ALMS1: variants seen among roughly 807,000 people sequenced by gnomAD.
ALMS1 encodes the protein ALMS1 centrosome and basal body associated protein.
ALMS1 carries 271 observed loss-of-function variants against 352.2 expected under a neutral mutation model. The ratio of observed to expected loss-of-function variants is 0.77; its 90% CI spans 0.70 to 0.85. The LOEUF is 0.85. Ranked by LOEUF, ALMS1 falls within the 40% of genes least tolerant of loss-of-function variation. The pLI, the probability that ALMS1 is intolerant of heterozygous loss-of-function variation, is 0.00. For synonymous variants in ALMS1, 1,865 were observed against 1,761.2 expected (o/e 1.06, Z -1.48); for missense variants, 5,445 against 4,870.7 (o/e 1.12, Z -3.51).
intron 9 of ALMS1, among the ~76,000 whole-genome samples, chr2:73,474,176 A>G (rs1258112355): frequency 1.3e-5 from 2 of 152,096 alleles, no homozygotes; most frequent in Non-Finnish European, 2.9e-5. Flanking sequence ...GTCATAAAAT[A>G]CAAAACTATG....
At chr2:73,487,104 T>G (rs919876204) in intron 9 of ALMS1, among the ~76,000 whole-genome samples, 1 of 152,154 alleles carries the variant, frequency 6.6e-6, no homozygotes, top group Non-Finnish European at 1.5e-5. Flanking sequence ...GGGTGTCAGT[T>G]TGCAAGCTGG....
intron 1 of ALMS1, among the ~76,000 whole-genome samples, chr2:73,397,385 CT>C (rs575226968): frequency 1.5e-3 from 217 of 145,114 alleles, no homozygotes; most frequent in Non-Finnish European, 1.9e-3. Context: ...GTTTGTTCAG[CT>C]TTTTTTTTTT....
intron 21 of ALMS1, among the ~76,000 whole-genome samples, chr2:73,604,166 CAGT>C (rs781704880): frequency 6.6e-6 from 1 of 151,970 alleles, no homozygotes; most frequent in Admixed American, 6.6e-5. Context: ...GAAAGGATAA[CAGT>C]AGATTTTTTG....
At chr2:73,585,086 A>G (rs1412917995) in intron 16 of ALMS1, among the ~76,000 whole-genome samples, 1 of 152,204 alleles carries the variant, frequency 6.6e-6, no homozygotes, top group Non-Finnish European at 1.5e-5. Context: ...TGCTATAAAC[A>G]TGCATGTGCA....
intron 9 of ALMS1, among the ~76,000 whole-genome samples, chr2:73,471,786 C>G (rs183961342): frequency 2.6e-5 from 4 of 152,004 alleles, no homozygotes. Flanking sequence ...AATGGTGTAG[C>G]TGCTGTGGAA....
chr2:73,446,289 CT>C (rs1671809997), intron 7 of ALMS1, among the ~76,000 whole-genome samples: 1 of 152,098 alleles, frequency 6.6e-6, no homozygotes, highest in Non-Finnish European at 1.5e-5. Context: ...CATGGTGTCA[CT>C]AATAATTTGT....
chr2:73,448,707 A>C lies in ALMS1; in HGVS notation c.2180A>C (p.Gln727Pro). ...SHREKPGIFY[Q>P]QEFADSHQTE... is the part of the protein sequence containing the mutation. ...AGAGAGAAGCCTGGTATTTTTTACC[A>C]ACAAGAGTTCGCAGACAGTCATCAA... Residue 727 changes from glutamine to proline, a missense_variant, in exon 8 of 23, where the codon CAA becomes CCA. Gln to Pro is a moderately conservative substitution (Grantham distance 76). Transcript: ENST00000613296. The C allele has an allele frequency of 6.2e-7, 1 of 1,605,198 alleles. No homozygotes were observed. The highest frequency in any genetic ancestry group is 8.5e-7 in the Non-Finnish European group (1 of 1,174,036).
chr2:73,464,081 C>T (rs1405583593), intron 9 of ALMS1, among the ~76,000 whole-genome samples: 2 of 152,186 alleles, frequency 1.3e-5, no homozygotes, highest in Non-Finnish European at 2.9e-5. Context: ...GGGAATCCTC[C>T]CTAACTCATT....
intron 21 of ALMS1, 34 bp from the exon 22 acceptor site, chr2:73,608,441 C>T (rs757718649): frequency 1.7e-5 from 26 of 1,569,824 alleles, no homozygotes; most frequent in South Asian, 8.9e-5. Context: ...GTAACCTCCC[C>T]GATTTCTGTC....
At chr2:73,596,991 G>A (rs771714810) in intron 16 of ALMS1, among the ~76,000 whole-genome samples, 5 of 145,644 alleles carry the variant, frequency 3.4e-5, no homozygotes, top group Non-Finnish European at 7.5e-5. Flanking sequence ...GATAGAGATT[G>A]TGTAGAATCA....
At position 73,519,824 on chromosome 2, in the gene ALMS1, T is replaced by A. The variant is rs369682692; in HGVS notation, c.9589T>A (p.Ser3197Thr). 3.6e-5 allele frequency: 58 copies of A among 1,614,034 alleles called. No individual in the cohort carries two copies. In the African/African-American group the frequency reaches 6.5e-4, roughly 18 times the overall value. The change falls in exon 11 of 23, where the codon TCA becomes ACA. Residue 3197 changes from serine to threonine, a missense_variant. Transcript: ENST00000613296. ...ACTTTCTGCTTTCTCTGAAAAATTG[T>A]CATCTGATGCAGTCACTCAGATAAC... ...TPLSAFSEKL[S>T]SDAVTQITTE...
chr2:73,420,246 C>T (rs192242637), intron 3 of ALMS1, among the ~76,000 whole-genome samples: 245 of 152,264 alleles, frequency 1.6e-3, no homozygotes, highest in African/African-American at 5.7e-3. Flanking sequence ...ATGAAAGCTA[C>T]CTCCTCTTCT....
At chr2:73,587,945 T>C (rs1042496531) in intron 16 of ALMS1, among the ~76,000 whole-genome samples, 4 of 152,154 alleles carry the variant, frequency 2.6e-5, no homozygotes, top group Admixed American at 6.5e-5. Flanking sequence ...CCTGGAAATA[T>C]ACAACCCTTC....
At chr2:73,441,597 C>T (rs1671720117) in intron 7 of ALMS1, among the ~76,000 whole-genome samples, 1 of 146,092 alleles carries the variant, frequency 6.8e-6, no homozygotes. Flanking sequence ...CCTTTGTTCC[C>T]TTTCTCCTTC....
At chr2:73,565,733 A>G (rs941690581) in intron 15 of ALMS1, among the ~76,000 whole-genome samples, 14 of 152,328 alleles carry the variant, frequency 9.2e-5, no homozygotes, top group African/African-American at 3.4e-4. Context: ...TGAGAAATAT[A>G]TTTTAACTTT....
intron 1 of ALMS1, among the ~76,000 whole-genome samples, chr2:73,391,600 C>T (rs1373088986): frequency 1.3e-5 from 2 of 152,060 alleles, no homozygotes; most frequent in African/African-American, 2.4e-5. Context: ...GCCTTGTATA[C>T]GTTTTATTCT....
intron 10 of ALMS1, among the ~76,000 whole-genome samples, chr2:73,511,483 C>T (rs1370406700): frequency 6.6e-6 from 1 of 152,154 alleles, no homozygotes; most frequent in Non-Finnish European, 1.5e-5. Context: ...GCTGCTCACC[C>T]TCTGTGGGCT....
Position 73,424,618 on chromosome 2 carries a change from G to A in ALMS1, c.953G>A (p.Gly318Glu), listed in dbSNP as rs372886271. 5 of 1,613,762 alleles carry A rather than the reference G, an allele frequency of 3.1e-6. No individual in the cohort carries two copies. The highest frequency in any genetic ancestry group is 4.2e-6 in the Non-Finnish European group (5 of 1,179,986). The change falls in exon 5 of 23, where the codon GGG becomes GAG. Residue 318 changes from glycine to glutamate, a missense_variant. By Grantham distance (98) the Gly-to-Glu change is moderately conservative. Coordinates refer to ENST00000613296, the MANE Select transcript of ALMS1 (RefSeq NM_001378454.1). ...TGCCCTTTTTTACCTTCTGAACAAGGGAATAATGAAGAGACTATTTCGTCT... is the reference window on the plus strand; with the variant it reads ...TGCCCTTTTTTACCTTCTGAACAAGAGAATAATGAAGAGACTATTTCGTCT... Reference protein sequence around the residue: ...SQCPFLPSEQGNNEETISSVD... With the variant: ...SQCPFLPSEQENNEETISSVD...
chr2:73,541,129 A>T (rs1025543094), intron 12 of ALMS1, among the ~76,000 whole-genome samples: 8 of 152,156 alleles, frequency 5.3e-5, no homozygotes, highest in African/African-American at 1.9e-4. Context: ...GAAGTAAAGC[A>T]CTCCTCAGCA....
Sources: gnomAD v4.1 joint callset for allele counts (sites outside exome capture counted in the v4.1 genomes callset) on GRCh38, gnomAD v4.1.1 for gene constraint, MANE v1.5 for transcripts, NCBI Gene and HGNC (gene_info 2026-07-23, HGNC 2026-07-21) for gene names.